The following DLG2 variants were observed in gnomAD, a reference collection of about 807,000 sequenced individuals.
DLG2 encodes the protein discs large MAGUK scaffold protein 2.
Under a neutral mutation model 132.5 loss-of-function variants are expected in DLG2, and 45 were observed. The observed-to-expected ratio is 0.34, with a 90% CI of 0.27 to 0.44. The LOEUF is 0.44. Ranked by LOEUF, DLG2 falls within the 20% of genes least tolerant of loss-of-function variation. DLG2 has a pLI of 1.00. For synonymous variants in DLG2, 424 were observed against 419.6 expected (o/e 1.01, Z -0.13); for missense variants, 1,045 against 1,196.9 (o/e 0.87, Z 1.87).
At chr11:85,343,224 A>G (rs1377748920) in intron 3 of DLG2, among the ~76,000 whole-genome samples, 1 of 152,154 alleles carries the variant, frequency 6.6e-6, no homozygotes, top group Non-Finnish European at 1.5e-5. Flanking sequence ...ACCCAACACA[A>G]TTCCATTATT....
intron 3 of DLG2, among the ~76,000 whole-genome samples, chr11:85,362,292 G>C (rs1388454333): frequency 6.6e-6 from 1 of 152,070 alleles, no homozygotes; most frequent in East Asian, 1.9e-4. Context: ...TCTACTTATA[G>C]AGATCTTTTG....
intron 7 of DLG2, among the ~76,000 whole-genome samples, chr11:84,500,677 T>C (rs760124404): frequency 5.3e-5 from 8 of 152,162 alleles, no homozygotes; most frequent in Non-Finnish European, 1.0e-4. Context: ...TGTTTTGAAT[T>C]GGAGACAAAA....
chr11:84,275,375 G>A (rs914952999), intron 7 of DLG2, among the ~76,000 whole-genome samples: 1 of 150,240 alleles, frequency 6.7e-6, no homozygotes. Context: ...TTTTTCTTGA[G>A]ACGGAGTCTC....
intron 6 of DLG2, among the ~76,000 whole-genome samples, chr11:84,860,872 G>T (rs75757935): frequency 4.5e-4 from 68 of 151,790 alleles, no homozygotes; most frequent in Non-Finnish European, 8.1e-4. Flanking sequence ...TGAAAGGAAG[G>T]GGGGAGGGGT....
At chr11:85,299,684 A>G (rs576523801) in intron 3 of DLG2, among the ~76,000 whole-genome samples, 1 of 152,322 alleles carries the variant, frequency 6.6e-6, no homozygotes, top group African/African-American at 2.4e-5. Context: ...GTGCACCAAA[A>G]TCACCCAAAG....
chr11:84,622,209 G>GA (rs1160314491), intron 6 of DLG2, among the ~76,000 whole-genome samples: 13 of 152,102 alleles, frequency 8.5e-5, no homozygotes, highest in East Asian at 3.9e-4. Context: ...TTGTGTCAGA[G>GA]AAAAAAATAT....
intron 4 of DLG2, among the ~76,000 whole-genome samples, chr11:85,224,644 G>T (rs971967864): frequency 2.0e-5 from 3 of 151,830 alleles, no homozygotes; most frequent in Admixed American, 2.0e-4. Flanking sequence ...TGGTTGATAG[G>T]GTTATGAATG....
intron 15 of DLG2, among the ~76,000 whole-genome samples, chr11:83,895,468 C>T (rs980088159): frequency 2.6e-5 from 4 of 152,118 alleles, no homozygotes; most frequent in African/African-American, 9.7e-5. Context: ...CCACTACTGT[C>T]TTTTTTAACA....
chr11:84,647,593 T>A (rs1306258681), intron 6 of DLG2, among the ~76,000 whole-genome samples: 1 of 152,204 alleles, frequency 6.6e-6, no homozygotes, highest in East Asian at 1.9e-4. Flanking sequence ...ATTTAAAACA[T>A]CTTTATTAAA....
At chr11:84,570,039 G>A (rs544004543) in intron 6 of DLG2, among the ~76,000 whole-genome samples, 1 of 152,164 alleles carries the variant, frequency 6.6e-6, no homozygotes, top group East Asian at 1.9e-4. Context: ...TCTGAATGTT[G>A]GAAAGGATGA....
chr11:85,033,755 T>C (rs2061218684), intron 6 of DLG2, among the ~76,000 whole-genome samples: 1 of 152,244 alleles, frequency 6.6e-6, no homozygotes, highest in Admixed American at 6.5e-5. Flanking sequence ...AATATTTTGC[T>C]TGAAGGATGA....
At chr11:83,732,648 T>G (rs535310261) in intron 18 of DLG2, among the ~76,000 whole-genome samples, 1 of 152,150 alleles carries the variant, frequency 6.6e-6, no homozygotes, top group Non-Finnish European at 1.5e-5. Flanking sequence ...TTGAGAAGAT[T>G]TATGTATTCA....
chr11:84,326,042 T>G (rs1192615096), intron 7 of DLG2, among the ~76,000 whole-genome samples: 1 of 152,078 alleles, frequency 6.6e-6, no homozygotes, highest in African/African-American at 2.4e-5. Context: ...GTGTTCCCAG[T>G]ATTCTTATAG....
At chr11:83,937,827 G>A (rs924403943) in intron 14 of DLG2, among the ~76,000 whole-genome samples, 1 of 152,036 alleles carries the variant, frequency 6.6e-6, no homozygotes, top group Non-Finnish European at 1.5e-5. Flanking sequence ...ATTTAGTTGT[G>A]GTATGTTGAA....
At chr11:85,269,399 T>C (rs114332521) in intron 4 of DLG2, among the ~76,000 whole-genome samples, 2,272 of 152,318 alleles carry the variant, frequency 0.015, 63 homozygotes, top group African/African-American at 0.052. Flanking sequence ...CTTCATTACA[T>C]AAGTCCTTGA....
chr11:85,293,844 G>T (rs931358204), intron 3 of DLG2, among the ~76,000 whole-genome samples: 2 of 152,110 alleles, frequency 1.3e-5, no homozygotes, highest in Non-Finnish European at 2.9e-5. Flanking sequence ...TTATATAAGA[G>T]AATATTCTTG....
intron 18 of DLG2, among the ~76,000 whole-genome samples, chr11:83,706,968 C>T (rs929183633): frequency 1.3e-5 from 2 of 152,226 alleles, no homozygotes; most frequent in Non-Finnish European, 2.9e-5. Context: ...GTAATTAACA[C>T]TTATCATCAA....
intron 12 of DLG2, among the ~76,000 whole-genome samples, chr11:83,978,622 G>T (rs2092497531): frequency 6.6e-6 from 1 of 152,056 alleles, no homozygotes. Flanking sequence ...GAAAGTGGTA[G>T]TGGCTTCAGG....
At chr11:84,864,327 A>G (rs553198719) in intron 6 of DLG2, among the ~76,000 whole-genome samples, 3 of 152,296 alleles carry the variant, frequency 2.0e-5, no homozygotes, top group East Asian at 1.9e-4. Flanking sequence ...TCCATCTAGG[A>G]AAAAGTAAAC....
Sources: gnomAD v4.1 joint callset for allele counts (sites outside exome capture counted in the v4.1 genomes callset) on GRCh38, gnomAD v4.1.1 for gene constraint, MANE v1.5 for transcripts, NCBI Gene and HGNC (gene_info 2026-07-23, HGNC 2026-07-21) for gene names.